GPC6: variants seen among roughly 807,000 people sequenced by gnomAD.
GPC6 encodes glypican 6.
In GPC6, 14 loss-of-function variants were observed where a neutral mutation model predicts 55.2. That is an observed-to-expected ratio of 0.25 (90% CI 0.17 to 0.40). The LOEUF (loss-of-function observed/expected upper bound fraction) is 0.40. GPC6 is among the 10% of genes least tolerant of loss of function. GPC6 has a pLI of 1.00. For missense variants in GPC6, 641 were observed against 708.5 expected, an observed-to-expected ratio of 0.90 and a Z score of 1.08; for synonymous variants, 278 against 259.6, an observed-to-expected ratio of 1.07 and a Z score of -0.68.
chr13:93,383,876 TCTTC>T (rs1875286304), intron 1 of GPC6, among the ~76,000 whole-genome samples: 1 of 152,152 alleles, frequency 6.6e-6, no homozygotes, highest in African/African-American at 2.4e-5. Context: ...CATCATATCT[TCTTC>T]CTTTTTATTT....
At chr13:94,142,570 G>A (rs1165949983) in intron 4 of GPC6, among the ~76,000 whole-genome samples, 1 of 152,060 alleles carries the variant, frequency 6.6e-6, no homozygotes, top group Non-Finnish European at 1.5e-5. Context: ...ATATTTAAAT[G>A]GAGAAGAGAA....
chr13:93,898,070 A>G (rs1235375674), intron 3 of GPC6, among the ~76,000 whole-genome samples: 2 of 152,200 alleles, frequency 1.3e-5, no homozygotes, highest in Admixed American at 6.6e-5. Flanking sequence ...AATTTAAAAC[A>G]TACAGTTGAG....
intron 2 of GPC6, among the ~76,000 whole-genome samples, chr13:93,785,941 A>G (rs1008449468): frequency 6.6e-6 from 1 of 152,180 alleles, no homozygotes; most frequent in African/African-American, 2.4e-5. Flanking sequence ...CAGGGTGGGC[A>G]ACAGGCCCTG....
chr13:94,018,940 C>G (rs903930669), intron 3 of GPC6, among the ~76,000 whole-genome samples: 3 of 152,168 alleles, frequency 2.0e-5, no homozygotes, highest in Admixed American at 2.0e-4. Flanking sequence ...CAACCATTCC[C>G]CCACCCCCAC....
intron 6 of GPC6, among the ~76,000 whole-genome samples, chr13:94,379,279 C>T (rs1402117892): frequency 1.3e-5 from 2 of 152,140 alleles, no homozygotes; most frequent in Non-Finnish European, 2.9e-5. Flanking sequence ...TTTTTTCAGC[C>T]GTCTGCCTCA....
At chr13:93,545,566 A>T in intron 2 of GPC6, 145 bp downstream of exon 2, 1 of 755,932 alleles carries the variant, frequency 1.3e-6, no homozygotes, top group Non-Finnish European at 2.2e-6. Flanking sequence ...TAGAAAAAGC[A>T]TGAGTTTTCT....
intron 1 of GPC6, among the ~76,000 whole-genome samples, chr13:93,476,314 A>G (rs188311653): frequency 6.6e-6 from 1 of 151,906 alleles, no homozygotes; most frequent in Non-Finnish European, 1.5e-5. Context: ...GTGTGTGTGC[A>G]TGCGCGCAAC....
At chr13:94,385,624 C>T (rs1594230074) in intron 7 of GPC6, among the ~76,000 whole-genome samples, 1 of 150,282 alleles carries the variant, frequency 6.7e-6, no homozygotes, top group East Asian at 2.1e-4. Flanking sequence ...CCATGGTTTC[C>T]TTTAGTTCTT....
chr13:94,219,286 CGAG>C (rs1344793122), intron 4 of GPC6, among the ~76,000 whole-genome samples: 1 of 152,104 alleles, frequency 6.6e-6, no homozygotes, highest in Non-Finnish European at 1.5e-5. Context: ...AAAATGGAGG[CGAG>C]GACTTCCTGA....
At chr13:93,781,922 TATC>T (rs1355514460) in intron 2 of GPC6, among the ~76,000 whole-genome samples, 3 of 152,172 alleles carry the variant, frequency 2.0e-5, no homozygotes, top group South Asian at 2.1e-4. Flanking sequence ...GCATATGTAT[TATC>T]ATATATTTAT....
intron 3 of GPC6, among the ~76,000 whole-genome samples, chr13:93,879,895 G>C (rs1874849530): frequency 6.6e-6 from 1 of 151,514 alleles, no homozygotes; most frequent in African/African-American, 2.4e-5. Flanking sequence ...CCATCAAAAA[G>C]TGGGCGAAGG....
chr13:93,795,128 C>T (rs1326848753), intron 2 of GPC6, among the ~76,000 whole-genome samples: 1 of 152,070 alleles, frequency 6.6e-6, no homozygotes, highest in East Asian at 1.9e-4. Flanking sequence ...AGGGTGAGTC[C>T]ACAGTGCAAA....
chr13:93,376,717 T>G (rs1874916725), intron 1 of GPC6, among the ~76,000 whole-genome samples: 1 of 152,182 alleles, frequency 6.6e-6, no homozygotes, highest in Non-Finnish European at 1.5e-5. Flanking sequence ...AAACTTACTT[T>G]TATATCATTT....
chr13:94,254,838 A>G (rs1891458209), intron 4 of GPC6, among the ~76,000 whole-genome samples: 1 of 152,178 alleles, frequency 6.6e-6, no homozygotes, highest in Non-Finnish European at 1.5e-5. Context: ...TTTCAGAGTA[A>G]CATTTTAACC....
At chr13:93,480,574 C>G (rs367767173) in intron 1 of GPC6, among the ~76,000 whole-genome samples, 27 of 152,202 alleles carry the variant, frequency 1.8e-4, no homozygotes, top group African/African-American at 6.3e-4. Context: ...TAAAGTTGTG[C>G]TTTGATCACC....
chr13:93,507,721 G>A (rs552840534), intron 1 of GPC6, among the ~76,000 whole-genome samples: 1 of 152,038 alleles, frequency 6.6e-6, no homozygotes, highest in Non-Finnish European at 1.5e-5. Context: ...TACTTTTCCT[G>A]TCCTGACATA....
At chr13:94,331,875 C>T (rs76369943) in intron 6 of GPC6, among the ~76,000 whole-genome samples, 1,598 of 152,204 alleles carry the variant, frequency 0.01, 28 homozygotes, top group African/African-American at 0.034. Flanking sequence ...GATATTAAGC[C>T]AATTTTGGAT....
intron 2 of GPC6, among the ~76,000 whole-genome samples, chr13:93,779,042 G>T (rs545165449): frequency 4.9e-4 from 75 of 152,282 alleles, no homozygotes; most frequent in African/African-American, 1.7e-3. Flanking sequence ...TTTGCTGTAT[G>T]TTTATAACTA....
chr13:93,422,803 A>T (rs1876969352), intron 1 of GPC6, among the ~76,000 whole-genome samples: 1 of 152,150 alleles, frequency 6.6e-6, no homozygotes. Flanking sequence ...AGCTTCCTCA[A>T]AGGTTTTCTC....
Sources: allele counts gnomAD v4.1 joint callset (sites outside exome capture counted in the v4.1 genomes callset), GRCh38; gene constraint gnomAD v4.1.1; transcripts MANE v1.5; gene names NCBI Gene and HGNC (gene_info 2026-07-23, HGNC 2026-07-21).